Variants in CDCA7L observed in about 807,000 individuals in gnomAD.
CDCA7L encodes cell division cycle associated 7 like, also known as cell division cycle-associated 7-like protein.
In CDCA7L, 44 loss-of-function variants were observed where a neutral mutation model predicts 57.4. The observed-to-expected ratio is 0.77, with a 90% CI of 0.60 to 0.98. The LOEUF is 0.98. CDCA7L is among the 50% of genes least tolerant of loss of function. The pLI, the probability that CDCA7L is intolerant of heterozygous loss-of-function variation, is 0.00. For missense variants in CDCA7L, 644 were observed against 580.6 expected, an observed-to-expected ratio of 1.11 and a Z score of -1.12; for synonymous variants, 236 against 202.8, an observed-to-expected ratio of 1.16 and a Z score of -1.39.
In CDCA7L at chr7:21,940,615, T is replaced by TG. The variant is rs762239659; in HGVS notation, c.24+5165dup. Among the ~76,000 whole-genome samples, 8 of 152,162 alleles carry TG rather than the reference T, an allele frequency of 5.3e-5. No homozygotes were observed. In the East Asian group the frequency reaches 1.2e-3, roughly 22 times the overall value. On this transcript the variant is annotated intron_variant, in intron 1 of 9. Transcript: ENST00000406877. ...CCAGGGCGAGCACCTGAGCCAGCGG[T>TG]GGGGGCAATGGATGGGAAGACTTCC...
chr7:21,930,460 G>A (rs931194718), intron 1 of CDCA7L, among the ~76,000 whole-genome samples: 4 of 152,032 alleles, frequency 2.6e-5, no homozygotes, highest in African/African-American at 9.7e-5. Context: ...ACTTTGGGAG[G>A]CCGAGGTGGG....
intron 8 of CDCA7L, among the ~76,000 whole-genome samples, 170 bp from the exon 9 acceptor site, chr7:21,903,284 C>G (rs1237776830): frequency 1.3e-5 from 2 of 152,160 alleles, no homozygotes; most frequent in Non-Finnish European, 2.9e-5. Flanking sequence ...GCTGAATCAC[C>G]CCACGTCACA....
intron 1 of CDCA7L, among the ~76,000 whole-genome samples, chr7:21,929,343 G>T (rs1160616365): frequency 6.6e-6 from 1 of 152,092 alleles, no homozygotes; most frequent in Non-Finnish European, 1.5e-5. Context: ...ATCAGCTACT[G>T]CAAAAACATA....
chr7:21,908,922 T>C (rs897678937), intron 3 of CDCA7L, among the ~76,000 whole-genome samples: 6 of 152,204 alleles, frequency 3.9e-5, no homozygotes, highest in Non-Finnish European at 8.8e-5. Context: ...AAATGCTGAC[T>C]GGTCTCCTCT....
chr7:21,913,567 G>C (rs538528598), intron 2 of CDCA7L, among the ~76,000 whole-genome samples: 1 of 152,320 alleles, frequency 6.6e-6, no homozygotes, highest in African/African-American at 2.4e-5. Context: ...TGCACCTGAG[G>C]CCTCTCAGTG....
chr7:21,907,720 G>T (rs1785183600), intron 4 of CDCA7L, among the ~76,000 whole-genome samples: 1 of 152,104 alleles, frequency 6.6e-6, no homozygotes, highest in Non-Finnish European at 1.5e-5. Flanking sequence ...TGGTTCTGTG[G>T]TGAAAAGCTA....
chr7:21,912,932 C>G (rs1785377153), intron 2 of CDCA7L, among the ~76,000 whole-genome samples: 1 of 152,138 alleles, frequency 6.6e-6, no homozygotes, highest in African/African-American at 2.4e-5. Flanking sequence ...GAGGAAATAA[C>G]AAACTGCAGG....
intron 2 of CDCA7L, among the ~76,000 whole-genome samples, chr7:21,913,155 G>T (rs1785385286): frequency 6.6e-6 from 1 of 152,128 alleles, no homozygotes; most frequent in Non-Finnish European, 1.5e-5. Flanking sequence ...TATCTCTGGG[G>T]AAAGATAGAT....
chr7:21,929,344 C>G (rs539265615), intron 1 of CDCA7L, among the ~76,000 whole-genome samples: 2 of 152,188 alleles, frequency 1.3e-5, no homozygotes, highest in Non-Finnish European at 2.9e-5. Flanking sequence ...TCAGCTACTG[C>G]AAAAACATAC....
At chr7:21,915,784 T>C (rs1036240007) in intron 2 of CDCA7L, among the ~76,000 whole-genome samples, 2 of 152,056 alleles carry the variant, frequency 1.3e-5, no homozygotes, top group South Asian at 4.1e-4. Context: ...GCCAAGATCA[T>C]GCCACTGCAC....
chr7:21,902,451 G>T, intron 9 of CDCA7L, 99 bp from the exon 10 acceptor site: 1 of 1,171,362 alleles, frequency 8.5e-7, no homozygotes, highest in Non-Finnish European at 1.3e-6. Context: ...TACAAAGCCA[G>T]AACCCAGATC....
intron 1 of CDCA7L, among the ~76,000 whole-genome samples, chr7:21,922,122 G>GTACA (rs1440194763): frequency 3.3e-5 from 5 of 152,050 alleles, no homozygotes; most frequent in African/African-American, 1.2e-4. Flanking sequence ...AGTCAAAAAG[G>GTACA]TACACTCTGT....
At chr7:21,919,024 C>T (rs1318222971) in intron 1 of CDCA7L, among the ~76,000 whole-genome samples, 2 of 151,904 alleles carry the variant, frequency 1.3e-5, no homozygotes, top group Non-Finnish European at 2.9e-5. Context: ...GTCTATGTTA[C>T]CCAGGCTGGT....
chr7:21,914,379 G>A (rs1042325958), intron 2 of CDCA7L, among the ~76,000 whole-genome samples: 1 of 152,180 alleles, frequency 6.6e-6, no homozygotes, highest in Non-Finnish European at 1.5e-5. Context: ...ATCTAACAGG[G>A]AGGCAGACAG....
rs749251554 is a variant in CDCA7L at position 21,911,673 on chromosome 7, C to T, written c.247G>A (p.Asp83Asn). The T allele has an allele frequency of 1.2e-6, 2 of 1,613,840 alleles. No homozygotes were observed. The highest frequency in any genetic ancestry group is 1.7e-6 in the Non-Finnish European group (2 of 1,179,918). The change falls in exon 3 of 10, where the codon GAT becomes AAT. Residue 83 changes from aspartate (D) to asparagine (N), a missense_variant. Transcript: ENST00000406877. ...TCACTCTGCGTAAATCCTGCAAAAT[C>T]CTCAGTCTCTGAGTCAGTGTCCTCT... Reference protein sequence around the residue: ...FIEDTDSETEDFAGFTQSDLN... With the variant: ...FIEDTDSETENFAGFTQSDLN...
At chr7:21,931,208 G>T (rs1785998835) in intron 1 of CDCA7L, among the ~76,000 whole-genome samples, 2 of 152,174 alleles carry the variant, frequency 1.3e-5, no homozygotes, top group African/African-American at 4.8e-5. Context: ...ACAAAGAGGA[G>T]CTGGTACCAT....
At chr7:21,944,449 C>CAAAAAAAAAAAAAAAAAAAAAAAAA (rs59373889) in intron 1 of CDCA7L, among the ~76,000 whole-genome samples, 1 of 61,634 alleles carries the variant, frequency 1.6e-5, no homozygotes, top group African/African-American at 9.0e-5. Context: ...ACTCCGTCTC[C>CAAAAAAAAAAAAAAAAAAAAAAAAA]AAAAAAAAAA....
At chr7:21,917,910 G>C (rs1052417238) in intron 1 of CDCA7L, among the ~76,000 whole-genome samples, 1 of 77,328 alleles carries the variant, frequency 1.3e-5, no homozygotes, top group East Asian at 9.1e-4. Context: ...TCAATAGTAC[G>C]ATTTACTGTA....
At chr7:21,906,491 ACT>A (rs748591252) in intron 5 of CDCA7L, 35 bp from the exon 6 acceptor site, 42 of 1,610,232 alleles carry the variant, frequency 2.6e-5, no homozygotes, top group Non-Finnish European at 3.2e-5. Context: ...ACAACTGGGG[ACT>A]CTCTCGAATA....
Sources: allele counts gnomAD v4.1 joint callset (sites outside exome capture counted in the v4.1 genomes callset), GRCh38; gene constraint gnomAD v4.1.1; transcripts MANE v1.5; gene names NCBI Gene and HGNC (gene_info 2026-07-23, HGNC 2026-07-21).